Variants in ADPRHL1 observed in about 807,000 individuals in gnomAD.
ADPRHL1 encodes the protein ADP-ribosylhydrolase like 1, also known as inactive ADP-ribosyltransferase ARH2.
A neutral mutation model predicts 44.1 loss-of-function variants in ADPRHL1; 43 were observed. That is an observed-to-expected ratio of 0.98 (90% CI 0.76 to 1.26). ADPRHL1 has a LOEUF of 1.26. Among genes scored for constraint, ADPRHL1 ranks in the 50% most tolerant of loss-of-function variants. ADPRHL1 has a pLI of 0.00. For missense variants in ADPRHL1, 2,022 were observed against 2,496.9 expected, an observed-to-expected ratio of 0.81 and a Z score of 4.05; for synonymous variants, 878 against 1,017.4, an observed-to-expected ratio of 0.86 and a Z score of 2.61.
intron 1 of ADPRHL1, among the ~76,000 whole-genome samples, 184 bp from the exon 2 acceptor site, chr13:113,444,773 C>A (rs777020365): frequency 6.6e-6 from 1 of 152,200 alleles, no homozygotes; most frequent in Admixed American, 6.5e-5. Context: ...CAGGTGCCCA[C>A]CACCACGCCC....
intron 1 of ADPRHL1, among the ~76,000 whole-genome samples, chr13:113,449,627 C>T (rs1169012373): frequency 6.6e-6 from 1 of 152,242 alleles, no homozygotes; most frequent in Admixed American, 6.5e-5. Context: ...ACAGGCTGCC[C>T]CGACCCTCAG....
rs1420883040 is a variant in ADPRHL1, at chr13:113,407,819, C to T, written c.1463G>A (p.Ser488Asn). The T allele has an allele frequency of 1.6e-6, 2 of 1,231,962 alleles. No homozygotes were observed. The highest frequency in any genetic ancestry group is 2.0e-6 in the Non-Finnish European group (2 of 987,996). 76.3% of individuals were successfully genotyped at this position (1,231,962 alleles called of 1,614,324 possible). A position where few individuals can be genotyped will look rare whatever the true frequency, so the allele number is the denominator to read the frequency against. ...TKEPAPKPCL[S>N]EKPRWGHPAG... Reference sequence around the variant, plus strand: ...CGGGTGGCCCCAGCGGGGCTTCTCGCTGAGGCAGGGCTTTGGGGCCGGCTC... The same window carrying T: ...CGGGTGGCCCCAGCGGGGCTTCTCGTTGAGGCAGGGCTTTGGGGCCGGCTC... The change falls in exon 8 of 8, where the codon AGC (serine) becomes AAC (asparagine). Residue 488 changes from serine to asparagine, a missense_variant. Transcript: ENST00000612156.
At chr13:113,443,158 T>C (rs1433462698) in intron 2 of ADPRHL1, among the ~76,000 whole-genome samples, 6 of 152,230 alleles carry the variant, frequency 3.9e-5, no homozygotes, top group Admixed American at 2.6e-4. Flanking sequence ...ACTTATTGAT[T>C]TTCCTTGTCA....
At chr13:113,439,475 G>A (rs1452769007) in intron 2 of ADPRHL1, among the ~76,000 whole-genome samples, 19 of 141,190 alleles carry the variant, frequency 1.3e-4, no homozygotes, top group African/African-American at 4.3e-4. Flanking sequence ...CTGAGACGGC[G>A]TCTTGCTCTG....
In ADPRHL1 at chr13:113,405,983, A is replaced by T; in HGVS notation, c.3299T>A (p.Leu1100Ter). 2.4e-6 allele frequency: 3 copies of T among 1,232,062 alleles called. No homozygotes were observed. The highest frequency in any genetic ancestry group is 3.0e-6 in the Non-Finnish European group (3 of 988,030). 76.3% of individuals were successfully genotyped at this position (1,232,062 alleles called of 1,614,324 possible). ...CATACCTGGTTTGGGTGGTTCATTT[A>T]ATGAGGACAGTGGGTTCTCGCGAAC... ...HDVRENPLSS[L>*]NEPPKPGMKA... is the part of the protein sequence containing the mutation. Residue 1100 changes from leucine (L) to a stop codon, truncating the protein, a stop_gained, in exon 8 of 8, where the codon TTA becomes TAA. Transcript: ENST00000612156. LOFTEE classifies it low-confidence loss of function (END_TRUNC).
At chr13:113,450,286 ATAAACT>A (rs2044169937) in intron 1 of ADPRHL1, among the ~76,000 whole-genome samples, 2 of 152,214 alleles carry the variant, frequency 1.3e-5, no homozygotes, top group South Asian at 2.1e-4. Flanking sequence ...AAGAACAAAG[ATAAACT>A]TAAGTGAAAT....
At chr13:113,436,393 C>T (rs796749392) in intron 2 of ADPRHL1, among the ~76,000 whole-genome samples, 3 of 28,774 alleles carry the variant, frequency 1.0e-4, no homozygotes, top group Non-Finnish European at 1.4e-4. Flanking sequence ...AGGTGTACCC[C>T]GGGACCCAGC....
chr13:113,419,020 C>T (rs2043901192), intron 7 of ADPRHL1, among the ~76,000 whole-genome samples: 2 of 151,704 alleles, frequency 1.3e-5, no homozygotes, highest in Non-Finnish European at 2.9e-5. Context: ...CCCTTCCTTC[C>T]TTTCTTCCCC....
chr13:113,412,518 C>G (rs1317686269), intron 7 of ADPRHL1, among the ~76,000 whole-genome samples: 1 of 152,248 alleles, frequency 6.6e-6, no homozygotes, highest in African/African-American at 2.4e-5. Context: ...CACTTTTCAA[C>G]AAGTCACCCC....
At chr13:113,435,889 C>T (rs1398689084) in intron 2 of ADPRHL1, among the ~76,000 whole-genome samples, 2 of 134,096 alleles carry the variant, frequency 1.5e-5, no homozygotes, top group Admixed American at 7.5e-5. Flanking sequence ...AGGTGTACCC[C>T]GGGACCCAGC....
At chr13:113,426,355 T>A (rs1484617251) in intron 4 of ADPRHL1, among the ~76,000 whole-genome samples, 1 of 152,148 alleles carries the variant, frequency 6.6e-6, no homozygotes, top group African/African-American at 2.4e-5. Context: ...CCACAGAGGG[T>A]GGGAGCCGTG....
At chr13:113,416,924 C>A (rs906996591) in intron 7 of ADPRHL1, among the ~76,000 whole-genome samples, 1 of 152,236 alleles carries the variant, frequency 6.6e-6, no homozygotes. Context: ...CGTGCGAATG[C>A]ACGAGTGTGT....
intron 7 of ADPRHL1, among the ~76,000 whole-genome samples, chr13:113,421,513 A>G (rs1217973972): frequency 6.6e-6 from 1 of 152,076 alleles, no homozygotes; most frequent in Non-Finnish European, 1.5e-5. Flanking sequence ...TGCTCCTTGC[A>G]CTGAATGAAT....
intron 1 of ADPRHL1, chr13:113,449,035 G>C: frequency 1.0e-6 from 1 of 986,884 alleles, no homozygotes; most frequent in Non-Finnish European, 1.2e-6. Context: ...GTGATAATGC[G>C]CTGGCAACAT....
chr13:113,431,864 C>T (rs1397543047), intron 3 of ADPRHL1, among the ~76,000 whole-genome samples: 2 of 151,934 alleles, frequency 1.3e-5, no homozygotes, highest in Non-Finnish European at 2.9e-5. Flanking sequence ...TACAGGCATG[C>T]ACCACCGTGC....
rs1307276184 is a variant in ADPRHL1 at position 113,405,058 on chromosome 13, C to T, written c.4224G>A (p.Leu1408=). The T allele has an allele frequency of 5.8e-5, 72 of 1,232,326 alleles. No individual in the cohort carries two copies. Among genetic ancestry groups the T allele is most frequent in the Non-Finnish European group, 7.0e-5 (69 of 988,464 alleles). 76.3% of individuals were successfully genotyped at this position (1,232,326 alleles called of 1,614,324 possible). The change falls in exon 8 of 8, where the codon CTG becomes CTA. Residue 1408 remains leucine, a synonymous_variant. Coordinates refer to ENST00000612156, the MANE Select transcript of ADPRHL1 (RefSeq NM_001394807.1). The part of the protein sequence containing the change: ...RVAPSGSKVV[L]NPAKEPQTWW... ...ATGTCTGAGGCTCTTTTGCTGGGTT[C>T]AGCACAACCTTCGAGCCCGACGGCG...
At chr13:113,426,634 G>C (rs574776873) in intron 4 of ADPRHL1, among the ~76,000 whole-genome samples, 1 of 152,208 alleles carries the variant, frequency 6.6e-6, no homozygotes, top group African/African-American at 2.4e-5. Flanking sequence ...TTTCACACAA[G>C]GAAAAGTCCA....
Position 113,407,795 on chromosome 13 carries a change from G to T in ADPRHL1, c.1487C>A (p.Pro496Gln), listed in dbSNP as rs949679603. The change falls in exon 8 of 8, where the codon CCG becomes CAG. Residue 496 changes from proline to glutamine, a missense_variant. By Grantham distance (76) the Pro-to-Gln change is moderately conservative. Transcript: ENST00000612156. ...CLSEKPRWGH[P>Q]AGKSTVKNIL... ...GTTTTTCACGGTGCTCTTCCCGGCC[G>T]GGTGGCCCCAGCGGGGCTTCTCGCT... The T allele has an allele frequency of 8.1e-7, 1 of 1,232,028 alleles. No homozygotes were observed. The highest frequency in any genetic ancestry group is 4.1e-5 in the South Asian group (1 of 24,320). 76.3% of individuals were successfully genotyped at this position (1,232,028 alleles called of 1,614,324 possible). A position where few individuals can be genotyped will look rare whatever the true frequency, so the allele number is the denominator to read the frequency against.
intron 6 of ADPRHL1, among the ~76,000 whole-genome samples, 158 bp from the exon 7 acceptor site, chr13:113,423,137 A>G (rs2043938939): frequency 6.6e-6 from 1 of 152,242 alleles, no homozygotes; most frequent in South Asian, 2.1e-4. Flanking sequence ...CACGCCTGTC[A>G]TCCCAGCTAC....
Sources: gnomAD v4.1 joint callset for allele counts (sites outside exome capture counted in the v4.1 genomes callset) on GRCh38, gnomAD v4.1.1 for gene constraint, MANE v1.5 for transcripts, NCBI Gene and HGNC (gene_info 2026-07-23, HGNC 2026-07-21) for gene names.